The following TCF12 variants were observed in gnomAD, a reference collection of about 807,000 sequenced individuals.
TCF12 encodes the protein transcription factor 12, also known as DNA-binding protein HTF4.
Under a neutral mutation model 86.0 loss-of-function variants are expected in TCF12, and 45 were observed. The observed-to-expected ratio is 0.52, with a 90% CI of 0.41 to 0.67. The LOEUF is 0.67. Among genes scored for constraint, TCF12 ranks in the 30% least tolerant of loss-of-function variants. TCF12 has a pLI of 0.00. For missense variants in TCF12, 881 were observed against 859.9 expected, an observed-to-expected ratio of 1.02 and a Z score of -0.31; for synonymous variants, 330 against 299.6, an observed-to-expected ratio of 1.10 and a Z score of -1.05.
intron 5 of TCF12, among the ~76,000 whole-genome samples, chr15:57,125,723 T>G (rs1161918659): frequency 1.3e-5 from 2 of 152,192 alleles, no homozygotes; most frequent in African/African-American, 4.8e-5. Flanking sequence ...GTACTTAAAT[T>G]TTTTTCTGCT....
rs528724471 is a variant in TCF12, at chr15:57,026,544, T to C, written c.149-37206T>C. On this transcript the variant is annotated intron_variant, in intron 3 of 20. Coordinates refer to ENST00000333725, the MANE Select transcript of TCF12 (RefSeq NM_207037.2). ...CTTCTCGGATAAAAATTTTCTGATT[T>C]AGTCGTTAATATTTACAGTTTAAGG... is the stretch of plus-strand genomic sequence containing the variant. Among the ~76,000 whole-genome samples the C allele has an allele frequency of 1.9e-3, 290 of 152,334 alleles. 1 individual carries two copies. The highest frequency in any genetic ancestry group is 6.7e-3 in the African/African-American group (280 of 41,578).
intron 6 of TCF12, among the ~76,000 whole-genome samples, chr15:57,170,742 ATATTATATAT>A: frequency 2.7e-5 from 1 of 36,932 alleles, no homozygotes; most frequent in African/African-American, 1.1e-4. Context: ...TATATAATAT[ATATTATATAT>A]TATATATTAT....
Position 56,971,115 on chromosome 15 carries a change from A to G in TCF12, c.148+50017A>G, listed in dbSNP as rs528997911. ...CAGAAATAAGGGCTATCCTTCATGT[A>G]TAAAGAATCTTTGAAAATAGAGGGT... On this transcript the variant is annotated intron_variant, in intron 3 of 20. Coordinates refer to ENST00000333725, the MANE Select transcript of TCF12 (RefSeq NM_207037.2). 1.6e-3 allele frequency among the ~76,000 whole-genome samples: 239 copies of G among 152,276 alleles called. 1 individual carries two copies. The highest frequency in any genetic ancestry group is 5.5e-3 in the African/African-American group (228 of 41,568).
chr15:56,955,674 A>C (rs923300249), intron 3 of TCF12, among the ~76,000 whole-genome samples: 1 of 152,198 alleles, frequency 6.6e-6, no homozygotes, highest in East Asian at 1.9e-4. Context: ...TGCCTTGGCA[A>C]ATGTTCTGTA....
chr15:57,067,972 G>C (rs898275331), intron 4 of TCF12, among the ~76,000 whole-genome samples: 2 of 152,128 alleles, frequency 1.3e-5, no homozygotes, highest in African/African-American at 4.8e-5. Context: ...GGTGTACCAG[G>C]CATAAAGGCC....
chr15:57,270,629 G>A (rs2061092379), intron 18 of TCF12, among the ~76,000 whole-genome samples: 1 of 152,102 alleles, frequency 6.6e-6, no homozygotes, highest in African/African-American at 2.4e-5. Context: ...TGTTCCTTTG[G>A]AGGAGAAGAG....
intron 3 of TCF12, among the ~76,000 whole-genome samples, chr15:57,056,269 T>C (rs1436269632): frequency 6.6e-6 from 1 of 151,618 alleles, no homozygotes; most frequent in African/African-American, 2.4e-5. Flanking sequence ...GCCTCCTGAG[T>C]AGCTGGGATT....
chr15:57,182,549 A>G (rs940641555), intron 6 of TCF12, among the ~76,000 whole-genome samples: 1 of 152,126 alleles, frequency 6.6e-6, no homozygotes, highest in Non-Finnish European at 1.5e-5. Context: ...TTCTATATTT[A>G]CTTTGCCTCA....
chr15:57,085,173 A>G (rs184391560), intron 4 of TCF12, among the ~76,000 whole-genome samples: 6 of 152,316 alleles, frequency 3.9e-5, no homozygotes, highest in African/African-American at 1.4e-4. Flanking sequence ...CATCCTCTCA[A>G]CAAAAACTTA....
intron 3 of TCF12, among the ~76,000 whole-genome samples, chr15:56,928,615 C>T (rs976759642): frequency 1.3e-5 from 2 of 152,088 alleles, no homozygotes; most frequent in Non-Finnish European, 2.9e-5. Flanking sequence ...TACCCAGGAA[C>T]CTTAACTTTT....
At chr15:57,200,252 A>G (rs1013150329) in intron 8 of TCF12, among the ~76,000 whole-genome samples, 1 of 152,114 alleles carries the variant, frequency 6.6e-6, no homozygotes, top group Non-Finnish European at 1.5e-5. Flanking sequence ...TCTAGGATTA[A>G]CTGAAAAGAT....
intron 3 of TCF12, among the ~76,000 whole-genome samples, chr15:57,049,819 TTCTC>T (rs1280445826): frequency 7.2e-5 from 11 of 152,220 alleles, no homozygotes; most frequent in African/African-American, 2.2e-4. Flanking sequence ...TTGCTCTGCA[TTCTC>T]TCTAATTCTT....
intron 8 of TCF12, among the ~76,000 whole-genome samples, chr15:57,228,298 A>G (rs1441714292): frequency 6.6e-6 from 1 of 152,112 alleles, no homozygotes; most frequent in Non-Finnish European, 1.5e-5. Flanking sequence ...AAAGTTATTT[A>G]GCTTATTTAG....
chr15:56,920,101 G>C, intron 2 of TCF12, 113 bp downstream of exon 2: 1 of 1,156,832 alleles, frequency 8.6e-7, no homozygotes, highest in East Asian at 2.5e-5. Context: ...TAGGCAGCGT[G>C]AACTCCATCT....
intron 5 of TCF12, among the ~76,000 whole-genome samples, chr15:57,109,528 C>T (rs1189590281): frequency 6.6e-6 from 1 of 152,024 alleles, no homozygotes; most frequent in African/African-American, 2.4e-5. Flanking sequence ...AATTTCTATT[C>T]TCGTCTTAAT....
chr15:56,996,887 A>G (rs146528933), intron 3 of TCF12, among the ~76,000 whole-genome samples: 52 of 152,310 alleles, frequency 3.4e-4, no homozygotes, highest in Non-Finnish European at 6.5e-4. Context: ...CATAATCACT[A>G]ATCGTCAGAG....
intron 3 of TCF12, among the ~76,000 whole-genome samples, chr15:56,987,513 G>A (rs1264659361): frequency 6.6e-6 from 1 of 152,116 alleles, no homozygotes; most frequent in East Asian, 1.9e-4. Flanking sequence ...TGTGTCATGA[G>A]GAAAACAGGG....
intron 5 of TCF12, among the ~76,000 whole-genome samples, chr15:57,104,424 A>ATTTTTTTTTTC (rs2049977324): frequency 8.7e-6 from 1 of 114,918 alleles, no homozygotes; most frequent in African/African-American, 2.9e-5. Context: ...ACAAGAATAA[A>ATTTTTTTTTTC]TTTTTTTTTT....
intron 5 of TCF12, 84 bp from the exon 6 acceptor site, chr15:57,166,318 A>G: frequency 2.7e-6 from 3 of 1,115,198 alleles, no homozygotes; most frequent in Middle Eastern, 4.5e-4. Context: ...AAACTGCAAT[A>G]TAATTACCAT....
Sources: gnomAD v4.1 joint callset for allele counts (sites outside exome capture counted in the v4.1 genomes callset) on GRCh38, gnomAD v4.1.1 for gene constraint, MANE v1.5 for transcripts, NCBI Gene and HGNC (gene_info 2026-07-23, HGNC 2026-07-21) for gene names.